Variants in OR51B5 observed in about 807,000 individuals in gnomAD.
OR51B5 encodes the protein olfactory receptor 51B5.
For missense variants in OR51B5, 456 were observed against 374.6 expected, an observed-to-expected ratio of 1.22 and a Z score of -1.79; for synonymous variants, 186 against 144.8, an observed-to-expected ratio of 1.28 and a Z score of -2.04.
chr11:5,459,530 A>T (rs1851014586), intron 1 of OR51B5, among the ~76,000 whole-genome samples: 1 of 129,990 alleles, frequency 7.7e-6, no homozygotes, highest in East Asian at 1.9e-4. Flanking sequence ...TGCTAAACAA[A>T]TCTACAAGAA....
upstream of OR51B5, chr11:5,345,700 T>C (rs1248115336): frequency 2.0e-5 from 3 of 152,246 alleles, no homozygotes; most frequent in South Asian, 2.1e-4. Context: ...TATCCAAATA[T>C]ACCCCTTCAG....
intron 1 of OR51B5, chr11:5,453,385 T>G: frequency 1.3e-6 from 1 of 769,498 alleles, no homozygotes; most frequent in Non-Finnish European, 2.0e-6. Flanking sequence ...ACATCATCGC[T>G]TTGTCTCTTA....
chr11:5,451,412 G>T (rs888149143), intron 1 of OR51B5, among the ~76,000 whole-genome samples: 1 of 152,204 alleles, frequency 6.6e-6, no homozygotes, highest in Admixed American at 6.5e-5. Context: ...TATGAAGAAT[G>T]AGAGTGTAGT....
chr11:5,393,588 T>G lies in OR51B5; in HGVS notation n.85-46678A>C, dbSNP rs569071008. On this transcript the variant is annotated intron_variant and non_coding_transcript_variant, in intron 1 of 4. Coordinates refer to the OR51B5 transcript ENST00000415970. ...AATGACTATAAAAAGTTATATACGA[T>G]TATGCTGAAGATGACAATGAAGATG... Among the ~76,000 whole-genome samples the G allele has an allele frequency of 6.6e-5, 10 of 152,174 alleles. No homozygotes were observed. The South Asian group carries it at 2.1e-3, about 32-fold the overall frequency.
intron 1 of OR51B5, among the ~76,000 whole-genome samples, chr11:5,461,517 C>T (rs11037560): frequency 0.31 from 46,356 of 151,878 alleles, 7,217 homozygotes; most frequent in East Asian, 0.43. Flanking sequence ...GCTCTGCTCT[C>T]TCCAGGTCTC....
rs528977722 is a variant in OR51B5 at position 5,370,750 on chromosome 11, A to G, written n.85-23840T>C. On this transcript the variant is annotated intron_variant and non_coding_transcript_variant, in intron 1 of 4. Coordinates refer to the OR51B5 transcript ENST00000415970. ...TTTAACGGAAAGGAAATAATAAAAA[A>G]GTGACAAAAATAATTACAACCTCAT... 2.6e-5 allele frequency among the ~76,000 whole-genome samples: 4 copies of G among 152,354 alleles called. No individual in the cohort carries two copies. The South Asian group carries it at 8.3e-4, about 32-fold the overall frequency.
At chr11:5,386,590 A>G (rs181904534) in intron 1 of OR51B5, among the ~76,000 whole-genome samples, 37 of 152,212 alleles carry the variant, frequency 2.4e-4, no homozygotes, top group African/African-American at 8.9e-4. Flanking sequence ...CTACTGAAGT[A>G]CTGAAAACAG....
rs79497807 is a variant in OR51B5 at position 5,361,819 on chromosome 11, G to T, written n.85-14909C>A. Among the ~76,000 whole-genome samples, 594 of 152,264 alleles carry T rather than the reference G, an allele frequency of 3.9e-3. 2 individuals carry two copies. The highest frequency in any genetic ancestry group is 0.01 in the African/African-American group (424 of 41,550). On this transcript the variant is annotated intron_variant and non_coding_transcript_variant, in intron 1 of 4. Transcript: ENST00000415970. ...GAATGATATCTCTGGTGTAGTTCCAGACTCTGGTTTGGATTATCTATTTCC... is the reference window on the plus strand; with the variant it reads ...GAATGATATCTCTGGTGTAGTTCCATACTCTGGTTTGGATTATCTATTTCC...
chr11:5,414,349 T>A (rs11037355), intron 1 of OR51B5, among the ~76,000 whole-genome samples: 1 of 134,870 alleles, frequency 7.4e-6, no homozygotes, highest in African/African-American at 2.7e-5. Flanking sequence ...TAAAGACCAT[T>A]CAGACTAGGA....
Position 5,351,476 on chromosome 11 carries a change from G to A in OR51B5, n.85-4566C>T. On this transcript the variant is annotated intron_variant and non_coding_transcript_variant, in intron 1 of 4. Transcript: ENST00000415970. ...CAACTGATTACTATTGCTTTACCTG[G>A]AGTAAATATTTGCCTCTTTGCAAAG... 3 of 1,542,790 alleles carry A rather than the reference G, an allele frequency of 1.9e-6. No homozygotes were observed. The South Asian group carries it at 3.7e-5, about 19-fold the overall frequency.
intron 1 of OR51B5, among the ~76,000 whole-genome samples, chr11:5,355,922 T>G (rs557103571): frequency 1.3e-5 from 2 of 152,322 alleles, no homozygotes; most frequent in African/African-American, 4.8e-5. Flanking sequence ...CTGAGGGTCC[T>G]GTTAGAAGGA....
intron 1 of OR51B5, among the ~76,000 whole-genome samples, chr11:5,359,583 G>C (rs2133696146): frequency 6.9e-6 from 1 of 144,926 alleles, no homozygotes; most frequent in African/African-American, 2.6e-5. Context: ...GTAATTTATA[G>C]ATTCAATGCC....
At chr11:5,367,119 C>T (rs946581594) in intron 1 of OR51B5, among the ~76,000 whole-genome samples, 22 of 152,186 alleles carry the variant, frequency 1.4e-4, no homozygotes, top group African/African-American at 5.1e-4. Flanking sequence ...GCCACACATA[C>T]ACATGCCACC....
chr11:5,386,640 G>T (rs1022448272), intron 1 of OR51B5, among the ~76,000 whole-genome samples: 1 of 152,036 alleles, frequency 6.6e-6, no homozygotes, highest in Admixed American at 6.6e-5. Context: ...GCATAATCTC[G>T]GTGGCTGCAG....
chr11:5,478,326 A>G (rs1391552186), intron 1 of OR51B5, among the ~76,000 whole-genome samples: 2 of 151,070 alleles, frequency 1.3e-5, no homozygotes, highest in African/African-American at 4.9e-5. Context: ...AAAACTAACA[A>G]ACAGAAAGGA....
At chr11:5,420,304 T>G (rs1850311333) in intron 1 of OR51B5, among the ~76,000 whole-genome samples, 1 of 152,092 alleles carries the variant, frequency 6.6e-6, no homozygotes, top group Non-Finnish European at 1.5e-5. Context: ...CATAGCATGT[T>G]GTCATAAAAA....
At chr11:5,493,571 A>G (rs546691770) in intron 1 of OR51B5, among the ~76,000 whole-genome samples, 26 of 152,304 alleles carry the variant, frequency 1.7e-4, no homozygotes, top group African/African-American at 5.3e-4. Flanking sequence ...TAAGGTATTA[A>G]TATACCTGAC....
intron 1 of OR51B5, among the ~76,000 whole-genome samples, chr11:5,382,533 T>C (rs1175496245): frequency 6.6e-6 from 1 of 152,208 alleles, no homozygotes; most frequent in East Asian, 1.9e-4. Flanking sequence ...TTGTTGCTGT[T>C]ATACTGTCCT....
chr11:5,486,938 G>T (rs1590024588), intron 1 of OR51B5, among the ~76,000 whole-genome samples: 1 of 152,060 alleles, frequency 6.6e-6, no homozygotes, highest in East Asian at 1.9e-4. Context: ...CAAATAAAGG[G>T]GACTTCCTAA....
Sources: allele counts gnomAD v4.1 joint callset (sites outside exome capture counted in the v4.1 genomes callset), GRCh38; gene constraint gnomAD v4.1.1; transcripts MANE v1.5; gene names NCBI Gene and HGNC (gene_info 2026-07-23, HGNC 2026-07-21).